ARHGAP5: variants seen among roughly 807,000 people sequenced by gnomAD.
ARHGAP5 encodes rho GTPase-activating protein 5.
In ARHGAP5, 23 loss-of-function variants were observed where a neutral mutation model predicts 116.6. The observed-to-expected ratio is 0.20, with a 90% CI of 0.14 to 0.28. The LOEUF (loss-of-function observed/expected upper bound fraction) is 0.28. Among genes scored for constraint, ARHGAP5 ranks in the 10% least tolerant of loss-of-function variants. The pLI, the probability that ARHGAP5 is intolerant of heterozygous loss-of-function variation, is 1.00. For synonymous variants in ARHGAP5, 574 were observed against 602.0 expected, an observed-to-expected ratio of 0.95 and a Z score of 0.68; for missense variants, 1,405 against 1,774.8, an observed-to-expected ratio of 0.79 and a Z score of 3.74.
At chr14:32,123,564 T>C (rs1879997625) in intron 3 of ARHGAP5, among the ~76,000 whole-genome samples, 1 of 152,040 alleles carries the variant, frequency 6.6e-6, no homozygotes, top group Non-Finnish European at 1.5e-5. Flanking sequence ...TTTGTTGTTT[T>C]GTGGGTTATA....
chr14:32,111,138 C>T (rs982033826), intron 2 of ARHGAP5, among the ~76,000 whole-genome samples: 2 of 152,202 alleles, frequency 1.3e-5, no homozygotes, highest in African/African-American at 4.8e-5. Context: ...GGCTGTGGCT[C>T]AACCTGTAAT....
chr14:32,091,728 A>G lies in ARHGAP5; in HGVS notation c.1059A>G (p.Leu353=). 5.6e-6 allele frequency: 9 copies of G among 1,613,038 alleles called. No individual in the cohort carries two copies. Among genetic ancestry groups the G allele is most frequent in the African/African-American group, 1.3e-5 (1 of 74,950 alleles). The change falls in exon 2 of 7, where the codon CTA becomes CTG. Residue 353 remains leucine, a synonymous_variant. Transcript: ENST00000345122. ...CTTTTAACACTCTTTTGCCAAATCT[A>G]GAAGAGATTGAACATTTGAATTGGT... ...PRAFNTLLPN[L]EEIEHLNWSE...
At chr14:32,111,840 T>A (rs1301558914) in intron 2 of ARHGAP5, among the ~76,000 whole-genome samples, 2 of 40,634 alleles carry the variant, frequency 4.9e-5, no homozygotes, top group Non-Finnish European at 1.1e-4. Context: ...TCTTCTTTGA[T>A]TTTTTTTTTT....
chr14:32,152,328 T>G, intron 5 of ARHGAP5, 95 bp from the exon 6 acceptor site: 2 of 845,602 alleles, frequency 2.4e-6, no homozygotes, highest in Non-Finnish European at 3.8e-6. Flanking sequence ...TTTAAACACA[T>G]TCTTGACTGT....
In ARHGAP5 at chr14:32,091,716, T is replaced by C. The variant is rs753553876; in HGVS notation, c.1047T>C (p.Leu349=). 6.2e-7 allele frequency: 1 copy of C among 1,611,532 alleles called. No individual in the cohort carries two copies. The change falls in exon 2 of 7, where the codon CTT becomes CTC. Residue 349 remains leucine (L), a synonymous_variant. Transcript: ENST00000345122. ...CTTTACCAAGAGCTTTTAACACTCT[T>C]TTGCCAAATCTAGAAGAGATTGAAC... ...INTLPRAFNT[L]LPNLEEIEHL... is the part of the protein sequence containing the mutation.
intron 3 of ARHGAP5, among the ~76,000 whole-genome samples, chr14:32,135,826 G>A (rs1880761542): frequency 6.6e-6 from 1 of 152,328 alleles, no homozygotes; most frequent in South Asian, 2.1e-4. Context: ...CCAGTATAGT[G>A]AGCATAGTGC....
At position 32,154,751 on chromosome 14, in the gene ARHGAP5, G is replaced by A; in HGVS notation, c.4312G>A (p.Val1438Ile). Residue 1438 changes from valine (V) to isoleucine (I), a missense_variant, in exon 7 of 7, where the codon GTT (valine) becomes ATT (isoleucine). Val to Ile is a conservative substitution (Grantham distance 29). Transcript: ENST00000345122. ...TACTACTAAGATTCATCAATCTGTT[G>A]TTGAAACATTCATTCAGCAGTGTCA... ...LSTTKIHQSVVETFIQQCQFF... is the reference protein window; with the variant it reads ...LSTTKIHQSVIETFIQQCQFF... 7 of 1,614,144 alleles carry A rather than the reference G, an allele frequency of 4.3e-6. No individual in the cohort carries two copies. Among genetic ancestry groups the A allele is most frequent in the Non-Finnish European group, 5.9e-6 (7 of 1,180,010 alleles).
rs542037888 is a variant in ARHGAP5 at position 32,109,266 on chromosome 14, G to C, written c.3718-7874G>C. Among the ~76,000 whole-genome samples the C allele has an allele frequency of 1.2e-3, 175 of 151,090 alleles. 1 individual carries two copies. Among genetic ancestry groups the C allele is most frequent in the Non-Finnish European group, 2.0e-3 (133 of 67,738 alleles). ...ATAAATTTTGGCTTCCTTTTTTCTT[G>C]TTTTCTAGTTTTTATTCTTCATTAG... On this transcript the variant is annotated intron_variant, in intron 2 of 6. Coordinates refer to ENST00000345122, the MANE Select transcript of ARHGAP5 (RefSeq NM_001030055.2).
intron 3 of ARHGAP5, among the ~76,000 whole-genome samples, chr14:32,141,510 C>T (rs181562227): frequency 1.1e-4 from 17 of 152,236 alleles, no homozygotes; most frequent in Admixed American, 5.2e-4. Flanking sequence ...TAAAATCATA[C>T]CAGGACAAAA....
chr14:32,115,690 G>T (rs1179460151), intron 2 of ARHGAP5, among the ~76,000 whole-genome samples: 2 of 146,362 alleles, frequency 1.4e-5, no homozygotes, highest in Admixed American at 1.4e-4. Context: ...AAAAAGCATC[G>T]GCTGGGTGCT....
intron 1 of ARHGAP5, among the ~76,000 whole-genome samples, chr14:32,087,267 G>A (rs2041838761): frequency 6.6e-6 from 1 of 151,636 alleles, no homozygotes; most frequent in Admixed American, 6.6e-5. Context: ...GGTTGTAAGG[G>A]GCCAATGGAT....
intron 3 of ARHGAP5, among the ~76,000 whole-genome samples, chr14:32,144,213 A>G (rs1370035434): frequency 6.6e-6 from 1 of 152,198 alleles, no homozygotes; most frequent in African/African-American, 2.4e-5. Context: ...ACATGGAGTA[A>G]TAAGAATTCT....
chr14:32,134,041 A>G (rs1204265141), intron 3 of ARHGAP5, among the ~76,000 whole-genome samples: 1 of 152,222 alleles, frequency 6.6e-6, no homozygotes, highest in Non-Finnish European at 1.5e-5. Flanking sequence ...TTAGACCAAT[A>G]TCCTTGATGA....
chr14:32,142,160 C>G (rs1004125896), intron 3 of ARHGAP5, among the ~76,000 whole-genome samples: 1 of 151,966 alleles, frequency 6.6e-6, no homozygotes, highest in African/African-American at 2.4e-5. Flanking sequence ...TCCTGGTTTC[C>G]TTTAGTTCTT....
intron 1 of ARHGAP5, among the ~76,000 whole-genome samples, chr14:32,077,779 C>T (rs1386662360): frequency 1.3e-5 from 2 of 151,978 alleles, no homozygotes; most frequent in Non-Finnish European, 2.9e-5. Context: ...CTCACTTGCT[C>T]GAGTCTCGGG....
chr14:32,117,379 A>T, intron 3 of ARHGAP5, 92 bp downstream of exon 3: 1 of 1,180,464 alleles, frequency 8.5e-7, no homozygotes, highest in Non-Finnish European at 1.2e-6. Flanking sequence ...TTGTTAATAT[A>T]GTTCTCATTA....
chr14:32,146,565 G>A (rs1399515141), intron 4 of ARHGAP5, among the ~76,000 whole-genome samples: 1 of 152,154 alleles, frequency 6.6e-6, no homozygotes, highest in Admixed American at 6.5e-5. Flanking sequence ...GGAAGTCACT[G>A]ATTACTTTTA....
At chr14:32,120,468 GA>G (rs1459623317) in intron 3 of ARHGAP5, among the ~76,000 whole-genome samples, 6 of 151,410 alleles carry the variant, frequency 4.0e-5, no homozygotes, top group Non-Finnish European at 8.8e-5. Context: ...TAGAAATCTA[GA>G]TTACTGTGTT....
chr14:32,087,800 C>G (rs1039745792), intron 1 of ARHGAP5, among the ~76,000 whole-genome samples: 19 of 151,914 alleles, frequency 1.3e-4, no homozygotes, highest in African/African-American at 4.1e-4. Flanking sequence ...TGTGAAATTA[C>G]CTTATTTTTA....
Sources: gnomAD v4.1 joint callset for allele counts (sites outside exome capture counted in the v4.1 genomes callset) on GRCh38, gnomAD v4.1.1 for gene constraint, MANE v1.5 for transcripts, NCBI Gene and HGNC (gene_info 2026-07-23, HGNC 2026-07-21) for gene names.